Variants in GNAQ observed in about 807,000 individuals in gnomAD.
The protein encoded by GNAQ is guanine nucleotide-binding protein G(q) subunit alpha.
GNAQ carries 8 observed loss-of-function variants against 43.9 expected under a neutral mutation model. The ratio of observed to expected loss-of-function variants is 0.18; its 90% CI spans 0.11 to 0.33. The LOEUF is 0.33. Among genes scored for constraint, GNAQ ranks in the 10% least tolerant of loss-of-function variants. GNAQ has a pLI of 1.00. For missense variants in GNAQ, 158 were observed against 450.8 expected (o/e 0.35, Z 5.88); for synonymous variants, 155 against 170.7 (o/e 0.91, Z 0.71).
chr9:77,934,361 T>A (rs1429742645), intron 1 of GNAQ, among the ~76,000 whole-genome samples: 2 of 152,158 alleles, frequency 1.3e-5, no homozygotes, highest in Non-Finnish European at 2.9e-5. Flanking sequence ...TATATTCAAA[T>A]AATAATTCAA....
At chr9:77,757,541 C>A (rs1825923861) in intron 5 of GNAQ, among the ~76,000 whole-genome samples, 1 of 152,190 alleles carries the variant, frequency 6.6e-6, no homozygotes, top group Admixed American at 6.5e-5. Flanking sequence ...CTCTTAGAGC[C>A]CAGCGTCTGC....
chr9:77,995,337 T>G (rs564580366), intron 1 of GNAQ, among the ~76,000 whole-genome samples: 2 of 152,260 alleles, frequency 1.3e-5, no homozygotes, highest in East Asian at 3.9e-4. Context: ...CTCTTAATTT[T>G]TACAATCCAA....
rs34924714 is a variant in GNAQ at position 77,853,774 on chromosome 9, CAAAAAAAAAAAAAAAA to C, written c.322-38020_322-38005del. ...TTTAGGATCTTTGTGAAATTACTACCAAAAAAAAAAAAAAAAAAAAAAAAAACCCACAGGCACTATT... is the reference window on the plus strand; with the variant it reads ...TTTAGGATCTTTGTGAAATTACTACCAAAAAAAAAACCCACAGGCACTATT... On this transcript the variant is annotated intron_variant, in intron 2 of 6. Transcript: ENST00000286548. Among the ~76,000 whole-genome samples the C allele has an allele frequency of 8.3e-4, 47 of 56,762 alleles. No individual in the cohort carries two copies. The South Asian group carries it at 0.01, about 13-fold the overall frequency. The allele number at this position is 56,762 out of a possible 152,430, so 37.2% of individuals were successfully genotyped here. A position where few individuals can be genotyped will look rare whatever the true frequency, so the allele number is the denominator to read the frequency against.
intron 5 of GNAQ, among the ~76,000 whole-genome samples, chr9:77,793,876 C>G (rs904240490): frequency 2.6e-5 from 4 of 152,108 alleles, no homozygotes; most frequent in Non-Finnish European, 4.4e-5. Flanking sequence ...GTTCTCCAGA[C>G]AGGCATATTA....
At chr9:77,778,194 TATAC>T (rs1045550863) in intron 5 of GNAQ, among the ~76,000 whole-genome samples, 3 of 147,276 alleles carry the variant, frequency 2.0e-5, no homozygotes, top group Non-Finnish European at 3.0e-5. Context: ...TGTTTTTATA[TATAC>T]ATAGTTTTAC....
At chr9:77,816,391 T>C (rs901132804) in intron 2 of GNAQ, among the ~76,000 whole-genome samples, 3 of 152,208 alleles carry the variant, frequency 2.0e-5, no homozygotes, top group Admixed American at 2.0e-4. Flanking sequence ...GCCTTATCTA[T>C]ATTACCAGAT....
chr9:77,941,482 C>T (rs1829314401), intron 1 of GNAQ, among the ~76,000 whole-genome samples: 1 of 152,128 alleles, frequency 6.6e-6, no homozygotes, highest in African/African-American at 2.4e-5. Context: ...ATCTCCTGAC[C>T]TCATGATCCG....
At chr9:77,813,212 C>T (rs1337034709) in intron 3 of GNAQ, among the ~76,000 whole-genome samples, 1 of 152,200 alleles carries the variant, frequency 6.6e-6, no homozygotes, top group African/African-American at 2.4e-5. Flanking sequence ...GCCACCATAC[C>T]TGGCCCACAT....
chr9:77,941,903 T>TAC (rs1320268340), intron 1 of GNAQ, among the ~76,000 whole-genome samples: 9 of 90,488 alleles, frequency 9.9e-5, no homozygotes, highest in East Asian at 7.0e-4. Flanking sequence ...ACATACAACA[T>TAC]ACATACACAC....
chr9:77,817,175 C>T (rs1401121661), intron 2 of GNAQ, among the ~76,000 whole-genome samples: 1 of 152,182 alleles, frequency 6.6e-6, no homozygotes, highest in Non-Finnish European at 1.5e-5. Flanking sequence ...CCTCAATCAT[C>T]GTTCCCCTCT....
intron 1 of GNAQ, among the ~76,000 whole-genome samples, chr9:78,023,845 C>T (rs184160626): frequency 2.7e-5 from 4 of 149,242 alleles, no homozygotes; most frequent in Non-Finnish European, 4.5e-5. Flanking sequence ...CATCACTGTT[C>T]GCTTCCGGTA....
At chr9:77,782,963 A>G (rs192121006) in intron 5 of GNAQ, among the ~76,000 whole-genome samples, 1 of 152,372 alleles carries the variant, frequency 6.6e-6, no homozygotes, top group East Asian at 1.9e-4. Context: ...GACAGCAGAA[A>G]GATTAGTGGT....
chr9:77,897,335 T>C lies in GNAQ; in HGVS notation c.321+24826A>G, dbSNP rs556161860. ...AAGTCTTAGTAACATGAATCCTTACTGCAGCAGAGCACAGCTATTAAATCT... is the reference window on the plus strand; with the variant it reads ...AAGTCTTAGTAACATGAATCCTTACCGCAGCAGAGCACAGCTATTAAATCT... On this transcript the variant is annotated intron_variant, in intron 2 of 6. Coordinates refer to ENST00000286548, the MANE Select transcript of GNAQ (RefSeq NM_002072.5). Among the ~76,000 whole-genome samples, 333 of 152,350 alleles carry C rather than the reference T, an allele frequency of 2.2e-3. 2 individuals are homozygous for C. Among genetic ancestry groups the C allele is most frequent in the Non-Finnish European group, 3.3e-3 (225 of 68,038 alleles).
At chr9:78,005,805 A>G (rs1048769937) in intron 1 of GNAQ, among the ~76,000 whole-genome samples, 8 of 152,316 alleles carry the variant, frequency 5.3e-5, no homozygotes, top group East Asian at 3.9e-4. Flanking sequence ...CCCAGGCTCA[A>G]TGATTCACCT....
At chr9:77,759,610 G>A (rs1004478091) in intron 5 of GNAQ, among the ~76,000 whole-genome samples, 5 of 152,082 alleles carry the variant, frequency 3.3e-5, no homozygotes, top group African/African-American at 9.7e-5. Flanking sequence ...TGTAGAGTTT[G>A]GACTGACTTA....
At chr9:78,003,219 A>C (rs1475753970) in intron 1 of GNAQ, among the ~76,000 whole-genome samples, 1 of 152,192 alleles carries the variant, frequency 6.6e-6, no homozygotes, top group Admixed American at 6.5e-5. Flanking sequence ...AAAGAACAGA[A>C]ATCCCTCAAG....
intron 2 of GNAQ, among the ~76,000 whole-genome samples, chr9:77,836,889 G>A (rs1282197007): frequency 2.0e-5 from 3 of 152,174 alleles, no homozygotes; most frequent in Non-Finnish European, 4.4e-5. Context: ...AGAACAGGTG[G>A]AGTAGAGATA....
At chr9:77,904,080 T>C (rs1413389813) in intron 2 of GNAQ, among the ~76,000 whole-genome samples, 2 of 152,290 alleles carry the variant, frequency 1.3e-5, no homozygotes, top group East Asian at 3.9e-4. Context: ...TCAGACTTGC[T>C]GATCTTAGAT....
At chr9:77,911,154 C>T (rs1828795500) in intron 2 of GNAQ, among the ~76,000 whole-genome samples, 1 of 152,148 alleles carries the variant, frequency 6.6e-6, no homozygotes, top group Non-Finnish European at 1.5e-5. Context: ...TGTGCATGAG[C>T]TGAAGACAAG....
Sources: allele counts gnomAD v4.1 joint callset (sites outside exome capture counted in the v4.1 genomes callset), GRCh38; gene constraint gnomAD v4.1.1; transcripts MANE v1.5; gene names NCBI Gene and HGNC (gene_info 2026-07-23, HGNC 2026-07-21).